Variants in COL23A1 observed in about 807,000 individuals in gnomAD.
The protein encoded by COL23A1 is collagen type XXIII alpha 1 chain.
A neutral mutation model predicts 99.3 loss-of-function variants in COL23A1; 97 were observed. That is an observed-to-expected ratio of 0.98 (90% CI 0.83 to 1.16). The LOEUF is 1.16. COL23A1 is among the 50% of genes most tolerant of loss of function. The pLI is 0.00. For missense variants in COL23A1, 762 were observed against 757.4 expected (o/e 1.01, Z -0.07); for synonymous variants, 320 against 308.2 (o/e 1.04, Z -0.40).
At chr5:178,355,243 T>C (rs1012342904) in intron 2 of COL23A1, among the ~76,000 whole-genome samples, 4 of 150,790 alleles carry the variant, frequency 2.7e-5, no homozygotes, top group Non-Finnish European at 4.4e-5. Context: ...ATCACACCAC[T>C]GCTCTCCAGT....
rs1225285898 is a variant in COL23A1 at position 178,281,897 on chromosome 5, A to G, written c.441+6427T>C. ...AAACCCTGTGTCTATTAAAAACACAAAAAAATCAGCCAGGCGTGGTGGTGC... is the reference window on the plus strand; with the variant it reads ...AAACCCTGTGTCTATTAAAAACACAGAAAAATCAGCCAGGCGTGGTGGTGC... On this transcript the variant is annotated intron_variant, in intron 5 of 28. Coordinates refer to ENST00000390654, the MANE Select transcript of COL23A1 (RefSeq NM_173465.4). The surrounding 1 kb of genome is among the most constrained non-coding windows in gnomAD (Gnocchi z 4.0). Among the ~76,000 whole-genome samples, 1 of 151,784 alleles carries G rather than the reference A, an allele frequency of 6.6e-6. No individual in the cohort carries two copies. The highest frequency in any genetic ancestry group is 1.9e-4 in the East Asian group (1 of 5,164).
intron 2 of COL23A1, among the ~76,000 whole-genome samples, chr5:178,499,491 A>T (rs1758408597): frequency 6.6e-6 from 1 of 152,202 alleles, no homozygotes; most frequent in Non-Finnish European, 1.5e-5. Context: ...CATGAGAAAA[A>T]CATCAAACAA....
chr5:178,461,114 TG>T (rs1280618092), intron 2 of COL23A1, among the ~76,000 whole-genome samples: 1 of 152,180 alleles, frequency 6.6e-6, no homozygotes, highest in Non-Finnish European at 1.5e-5. Flanking sequence ...TGTGCAGAGA[TG>T]GGAACTGGCT....
chr5:178,257,145 C>G (rs2127545721), intron 13 of COL23A1, among the ~76,000 whole-genome samples: 1 of 152,290 alleles, frequency 6.6e-6, no homozygotes, highest in African/African-American at 2.4e-5. Flanking sequence ...TGGGCCTTGG[C>G]ACTTACTTGG....
rs542610750 is a variant in COL23A1 at position 178,365,651 on chromosome 5, C to T, written c.362-58732G>A. ...CCAGCACCCGCCAGGCATGCAGTGG[C>T]CCCTCTCTTCTCCTCGACAACTGCG... On this transcript the variant is annotated intron_variant, in intron 2 of 28. Coordinates refer to ENST00000390654, the MANE Select transcript of COL23A1 (RefSeq NM_173465.4). The surrounding 1 kb of genome is among the most constrained non-coding windows in gnomAD (Gnocchi z 5.2). Among the ~76,000 whole-genome samples, 13 of 152,316 alleles carry T rather than the reference C, an allele frequency of 8.5e-5. No individual in the cohort carries two copies. The highest frequency in any genetic ancestry group is 2.1e-4 in the South Asian group (1 of 4,816).
intron 2 of COL23A1, among the ~76,000 whole-genome samples, chr5:178,431,900 C>G (rs982402318): frequency 3.3e-5 from 5 of 152,168 alleles, no homozygotes; most frequent in African/African-American, 1.2e-4. Flanking sequence ...AGAGTCATAT[C>G]AAAGTTGTCT....
At chr5:178,568,416 T>C (rs1762936942) in intron 1 of COL23A1, among the ~76,000 whole-genome samples, 1 of 152,236 alleles carries the variant, frequency 6.6e-6, no homozygotes, top group African/African-American at 2.4e-5. Flanking sequence ...CCTTGTTATT[T>C]TTTAGAATGG....
rs573496598 is a variant in COL23A1, at chr5:178,312,034, G to A, written c.362-5115C>T. ...GTGTGGGCTACCGCGCCCGGCCTGC[G>A]TAACTGGTTCTTATGAGTCCCCAGG... is the stretch of plus-strand genomic sequence containing the variant. On this transcript the variant is annotated intron_variant, in intron 2 of 28. Transcript: ENST00000390654. Among the ~76,000 whole-genome samples the A allele has an allele frequency of 1.1e-4, 16 of 152,228 alleles. No individual in the cohort carries two copies. In the South Asian group the frequency reaches 1.7e-3, roughly 16 times the overall value.
At chr5:178,421,718 A>T (rs1765640546) in intron 2 of COL23A1, among the ~76,000 whole-genome samples, 1 of 152,038 alleles carries the variant, frequency 6.6e-6, no homozygotes, top group Non-Finnish European at 1.5e-5. Flanking sequence ...AAACAGCAAA[A>T]ATTACCTGGG....
chr5:178,375,432 C>G (rs4418122), intron 2 of COL23A1, among the ~76,000 whole-genome samples: 1 of 152,184 alleles, frequency 6.6e-6, no homozygotes, highest in Admixed American at 6.5e-5. Flanking sequence ...CCAGGGTGAC[C>G]CTGTAAGAAC....
At chr5:178,253,670 A>T (rs1158885226) in intron 16 of COL23A1, among the ~76,000 whole-genome samples, 3 of 151,490 alleles carry the variant, frequency 2.0e-5, no homozygotes, top group African/African-American at 7.3e-5. Context: ...TTTAGGAGAG[A>T]CGCGGTTTCA....
chr5:178,511,272 C>G (rs1446252012), intron 2 of COL23A1, among the ~76,000 whole-genome samples: 1 of 152,122 alleles, frequency 6.6e-6, no homozygotes, highest in Non-Finnish European at 1.5e-5. Flanking sequence ...ATTCATAATT[C>G]CAGTATATGG....
intron 2 of COL23A1, chr5:178,344,833 C>G (rs1281758981): frequency 1.4e-6 from 1 of 714,608 alleles, no homozygotes; most frequent in African/African-American, 1.8e-5. Context: ...GCCCATGGAT[C>G]TCATTGAAGA....
intron 2 of COL23A1, among the ~76,000 whole-genome samples, chr5:178,337,109 CAG>C (rs1395297144): frequency 6.6e-6 from 1 of 152,256 alleles, no homozygotes; most frequent in Non-Finnish European, 1.5e-5. Context: ...CGGAGGACAT[CAG>C]GGAATGTGCA....
At chr5:178,323,502 C>T (rs963588241) in intron 2 of COL23A1, among the ~76,000 whole-genome samples, 1 of 152,094 alleles carries the variant, frequency 6.6e-6, no homozygotes, top group Non-Finnish European at 1.5e-5. Context: ...AGGTCCTGTG[C>T]TGCTTTGAGT....
chr5:178,304,510 A>ATC (rs1758247330), intron 3 of COL23A1, among the ~76,000 whole-genome samples: 1 of 148,708 alleles, frequency 6.7e-6, no homozygotes, highest in African/African-American at 2.5e-5. Context: ...TGTCTCAAAA[A>ATC]AAAAAAAAAA....
At chr5:178,588,812 C>G (rs917558859) in intron 1 of COL23A1, among the ~76,000 whole-genome samples, 1 of 152,184 alleles carries the variant, frequency 6.6e-6, no homozygotes, top group Admixed American at 6.5e-5. Context: ...TAATAAAGAT[C>G]CCAGCTGGGC....
At chr5:178,240,239 C>G (rs1235180317) in intron 27 of COL23A1, among the ~76,000 whole-genome samples, 4 of 152,218 alleles carry the variant, frequency 2.6e-5, no homozygotes, top group Non-Finnish European at 5.9e-5. Flanking sequence ...ACATGTCATT[C>G]TGTTCCAAAG....
chr5:178,298,978 T>G (rs1281405252), intron 3 of COL23A1, among the ~76,000 whole-genome samples: 2 of 152,386 alleles, frequency 1.3e-5, no homozygotes, highest in East Asian at 3.9e-4. Flanking sequence ...CTGCATTGAT[T>G]GATTTTGGAT....
Sources: gnomAD v4.1 joint callset for allele counts (sites outside exome capture counted in the v4.1 genomes callset) on GRCh38, gnomAD v4.1.1 for gene constraint, Gnocchi (gnomAD v3.1) non-coding constraint, MANE v1.5 for transcripts, NCBI Gene and HGNC (gene_info 2026-07-23, HGNC 2026-07-21) for gene names.